The following USP6NL variants were observed in gnomAD, a reference collection of about 807,000 sequenced individuals.
The protein encoded by USP6NL is USP6 N-terminal like.
USP6NL carries 26 observed loss-of-function variants against 61.9 expected under a neutral mutation model. The observed-to-expected ratio is 0.42, with a 90% confidence interval of 0.31 to 0.58. The LOEUF is 0.58. Ranked by LOEUF, USP6NL falls within the 20% of genes least tolerant of loss-of-function variation. The probability of loss-of-function intolerance (pLI) is 0.16; values close to 1 mark genes in which losing one functional copy is unlikely to be tolerated. For missense variants in USP6NL, 1,114 were observed against 1,034.3 expected (o/e 1.08, Z -1.06); for synonymous variants, 432 against 390.1 (o/e 1.11, Z -1.27).
At chr10:11,542,485 G>A (rs144094083) in intron 2 of USP6NL, among the ~76,000 whole-genome samples, 1 of 152,250 alleles carries the variant, frequency 6.6e-6, no homozygotes, top group Non-Finnish European at 1.5e-5. Flanking sequence ...TTGGGAGGCC[G>A]AGGCAGGTAG....
rs2133480923 is a variant in USP6NL at position 11,548,758 on chromosome 10, C to T, written c.5-21191G>A. 6.6e-6 allele frequency among the ~76,000 whole-genome samples: 1 copy of T among 152,276 alleles called. No homozygotes were observed. Among genetic ancestry groups the T allele is most frequent in the Admixed American group, 6.5e-5 (1 of 15,300 alleles). On this transcript the variant is annotated intron_variant, in intron 2 of 14. Transcript: ENST00000609104. This position sits in a 1 kb window ranked among gnomAD's most constrained non-coding sequence, Gnocchi z 4.3. ...CTATATATGACCTATATCCTCCAAC[C>T]ATCATTTGTTCTTCTAGTCTATGGT...
intron 2 of USP6NL, among the ~76,000 whole-genome samples, chr10:11,583,184 ATTTTTTTT>A (rs11432382): frequency 7.5e-6 from 1 of 133,604 alleles, no homozygotes; most frequent in Admixed American, 7.8e-5. Flanking sequence ...TATGTTTTCA[ATTTTTTTT>A]TTTTTTTTTT....
chr10:11,472,631 C>T (rs1370426979), intron 14 of USP6NL, among the ~76,000 whole-genome samples: 2 of 152,214 alleles, frequency 1.3e-5, no homozygotes, highest in African/African-American at 4.8e-5. Context: ...TTAAATATTG[C>T]TGACTTCAAA....
intron 2 of USP6NL, among the ~76,000 whole-genome samples, chr10:11,551,658 G>C (rs946667530): frequency 1.3e-5 from 2 of 152,206 alleles, no homozygotes; most frequent in African/African-American, 4.8e-5. Context: ...TGGTGCCACA[G>C]ATCAAACTCA....
Position 11,474,705 on chromosome 10 carries a change from T to A in USP6NL, c.1078+7065A>T, listed in dbSNP as rs7903006. 0.1 allele frequency among the ~76,000 whole-genome samples: 15,216 copies of A among 152,006 alleles called. 1,181 individuals carry two copies. Among genetic ancestry groups the A allele is most frequent in the East Asian group, 0.42 (2,180 of 5,130 alleles). On this transcript the variant is annotated intron_variant, in intron 14 of 14. Coordinates refer to ENST00000609104, the MANE Select transcript of USP6NL (RefSeq NM_014688.5). This position sits in a 1 kb window ranked among gnomAD's most constrained non-coding sequence, Gnocchi z 4.9. ...TTTGTCCTTGAATTAATGATTTTTT[T>A]TAAAAAAAACTTGCATCAACAAATG...
rs377213412 is a variant in USP6NL at position 11,495,032 on chromosome 10, T to G, written c.385-1804A>C. The stretch of plus-strand genomic sequence containing the variant: ...CCCTTTCCCTCTGCTAAGTAGCCGG[T>G]GTTTTCCCTTGACACTTACGCTACT... On this transcript the variant is annotated intron_variant, in intron 7 of 14. Transcript: ENST00000609104. The surrounding 1 kb of genome is among the most constrained non-coding windows in gnomAD (Gnocchi z 4.6). 3.0e-4 allele frequency among the ~76,000 whole-genome samples: 45 copies of G among 152,258 alleles called. No individual in the cohort carries two copies. The East Asian group carries it at 4.6e-3, about 16-fold the overall frequency.
chr10:11,509,751 T>C, intron 5 of USP6NL, 76 bp from the exon 6 acceptor site: 2 of 1,264,872 alleles, frequency 1.6e-6, no homozygotes, highest in South Asian at 2.8e-5. Context: ...TCAAAGAAAA[T>C]GCTTCTAAAA....
rs199995086 is a variant in USP6NL, at chr10:11,519,639, CAAAT to C, written c.156-1069_156-1066del. ...GAGCAAAATTCCATCTCAAAATAAA[CAAAT>C]AAATAAATAAATAAATAAGAATGCT... On this transcript the variant is annotated intron_variant, in intron 4 of 14. Transcript: ENST00000609104. 8.6e-5 allele frequency among the ~76,000 whole-genome samples: 13 copies of C among 151,920 alleles called. No homozygotes were observed. The South Asian group carries it at 1.5e-3, about 17-fold the overall frequency.
At chr10:11,586,690 T>C (rs1298575256) in intron 2 of USP6NL, among the ~76,000 whole-genome samples, 4 of 152,190 alleles carry the variant, frequency 2.6e-5, no homozygotes, top group Non-Finnish European at 4.4e-5. Context: ...TTTAATGTTG[T>C]GGTTAACAAC....
intron 14 of USP6NL, among the ~76,000 whole-genome samples, chr10:11,477,471 A>T (rs970168904): frequency 1.3e-5 from 2 of 152,240 alleles, no homozygotes; most frequent in African/African-American, 4.8e-5. Context: ...TTAGAAGATA[A>T]ATCAAAACAT....
intron 4 of USP6NL, among the ~76,000 whole-genome samples, chr10:11,521,343 A>G (rs1835199700): frequency 6.8e-6 from 1 of 146,968 alleles, no homozygotes; most frequent in Non-Finnish European, 1.5e-5. Context: ...TATATTATAT[A>G]TTATTATATT....
At chr10:11,593,997 G>A (rs80355550) in intron 2 of USP6NL, among the ~76,000 whole-genome samples, 15,661 of 152,102 alleles carry the variant, frequency 0.1, 1,251 homozygotes, top group East Asian at 0.43. Flanking sequence ...TATTGGGGGG[G>A]AAAAAAGCTA....
chr10:11,501,035 T>C, intron 7 of USP6NL, 66 bp downstream of exon 7: 1 of 1,258,140 alleles, frequency 7.9e-7, no homozygotes, highest in Non-Finnish European at 1.1e-6. Context: ...TATGTCACCT[T>C]GAATGCTAAA....
rs1469592905 is a variant in USP6NL at position 11,574,117 on chromosome 10, T to C, written c.4+23514A>G. Among the ~76,000 whole-genome samples the C allele has an allele frequency of 6.6e-6, 1 of 152,222 alleles. No individual in the cohort carries two copies. Among genetic ancestry groups the C allele is most frequent in the Non-Finnish European group, 1.5e-5 (1 of 68,040 alleles). On this transcript the variant is annotated intron_variant, in intron 2 of 14. Transcript: ENST00000609104. This position sits in a 1 kb window ranked among gnomAD's most constrained non-coding sequence, Gnocchi z 4.3. ...CAGATGCTATGTGCAAGTTTTTAAG[T>C]AGTCAACCAAAATACCCTGCACTGT...
At chr10:11,605,969 A>C (rs1588428046) in intron 1 of USP6NL, among the ~76,000 whole-genome samples, 6 of 152,224 alleles carry the variant, frequency 3.9e-5, no homozygotes, top group Admixed American at 3.9e-4. Flanking sequence ...AGAGTGGCTG[A>C]GAACTTGCCA....
At position 11,574,050 on chromosome 10, in the gene USP6NL, G is replaced by GA. The variant is rs1367017780; in HGVS notation, c.4+23580dup. 1.3e-5 allele frequency among the ~76,000 whole-genome samples: 2 copies of GA among 152,130 alleles called. No individual in the cohort carries two copies. Among genetic ancestry groups the GA allele is most frequent in the Non-Finnish European group, 1.5e-5 (1 of 68,008 alleles). On this transcript the variant is annotated intron_variant, in intron 2 of 14. Transcript: ENST00000609104. The surrounding 1 kb of genome is among the most constrained non-coding windows in gnomAD (Gnocchi z 4.3). ...ACATTTTCTCACAAAAGCCATGACA[G>GA]AAAAAATAAAGTGCTCTGCTATAAA...
intron 2 of USP6NL, among the ~76,000 whole-genome samples, chr10:11,584,395 CAG>C (rs1172741673): frequency 6.6e-6 from 1 of 152,186 alleles, no homozygotes; most frequent in Non-Finnish European, 1.5e-5. Flanking sequence ...CTCTAACATT[CAG>C]AGAGATTTTT....
Position 11,462,752 on chromosome 10 carries a change from G to C in USP6NL, c.2176C>G (p.Pro726Ala), listed in dbSNP as rs921676869. 9.9e-6 allele frequency: 16 copies of C among 1,613,868 alleles called. No homozygotes were observed. The Admixed American group carries it at 2.2e-4, about 22-fold the overall frequency. The part of the protein sequence containing the change: ...SPKNGKLIIP[P>A]VDYLPDNRTW... ...CTGTTATCTGGCAAGTAATCCACTG[G>C]TGGAATGATCAATTTTCCATTCTTT... The change falls in exon 15 of 15, where the codon CCA becomes GCA. Residue 726 changes from proline to alanine, a missense_variant. Transcript: ENST00000609104.
rs1835496624 is a variant in USP6NL at position 11,528,140 on chromosome 10, C to CACACAT, written c.5-574_5-573insATGTGT. 6.6e-6 allele frequency among the ~76,000 whole-genome samples: 1 copy of CACACAT among 151,728 alleles called. No homozygotes were observed. Among genetic ancestry groups the CACACAT allele is most frequent in the African/African-American group, 2.4e-5 (1 of 41,258 alleles). On this transcript the variant is annotated intron_variant, in intron 2 of 14. Transcript: ENST00000609104. This position sits in a 1 kb window ranked among gnomAD's most constrained non-coding sequence, Gnocchi z 4.6. ...GGACACACACACAGACACACACACA[C>CACACAT]ACACACACACACACACACACCCTTC...
Sources: gnomAD v4.1 joint callset for allele counts (sites outside exome capture counted in the v4.1 genomes callset) on GRCh38, gnomAD v4.1.1 for gene constraint, Gnocchi (gnomAD v3.1) non-coding constraint, MANE v1.5 for transcripts, NCBI Gene and HGNC (gene_info 2026-07-23, HGNC 2026-07-21) for gene names.